Variants in WDR62 observed in about 807,000 individuals in gnomAD.
WDR62 encodes the protein WD repeat-containing protein 62.
WDR62 carries 112 observed loss-of-function variants against 160.6 expected under a neutral mutation model. The ratio of observed to expected loss-of-function variants is 0.70; its 90% CI spans 0.60 to 0.82. WDR62 has a LOEUF of 0.82. Ranked by LOEUF, WDR62 falls within the 40% of genes least tolerant of loss-of-function variation. The probability of loss-of-function intolerance (pLI) is 0.00; values close to 1 mark genes in which losing one functional copy is unlikely to be tolerated. For synonymous variants in WDR62, 792 were observed against 815.1 expected (o/e 0.97, Z 0.48); for missense variants, 1,819 against 1,983.8 (o/e 0.92, Z 1.58).
chr19:36,100,742 C>T lies in WDR62; in HGVS notation c.2740-6C>T, dbSNP rs1319515364. ...CCTCAGAATGGCTGTGCTGTCTTCC[C>T]CATAGTCAGAGAGTCCCCAGGAAGC... On this transcript the variant is annotated splice_region_variant and splice_polypyrimidine_tract_variant and intron_variant, in intron 22 of 31. Coordinates refer to ENST00000401500, the MANE Select transcript of WDR62 (RefSeq NM_001083961.2). 1.9e-6 allele frequency: 3 copies of T among 1,613,924 alleles called. No homozygotes were observed. The highest frequency in any genetic ancestry group is 2.5e-6 in the Non-Finnish European group (3 of 1,179,944).
rs1972584058 is a variant in WDR62 at position 36,091,214 on chromosome 19, C to T, written c.2049C>T (p.Pro683=). The change falls in exon 17 of 32, where the codon CCC becomes CCT. Residue 683 remains proline, a synonymous_variant. Coordinates refer to ENST00000401500, the MANE Select transcript of WDR62 (RefSeq NM_001083961.2). The part of the protein sequence containing the change: ...EGSLLKVHVD[P]SGTFLATSCS... ...TTTCCTGGCAGGTCCATGTGGACCC[C>T]TCAGGCACCTTCCTGGCCACCAGCT... 6.2e-7 allele frequency: 1 copy of T among 1,612,652 alleles called. No individual in the cohort carries two copies. Among genetic ancestry groups the T allele is most frequent in the South Asian group, 1.1e-5 (1 of 91,006 alleles).
At chr19:36,101,091 G>A in intron 23 of WDR62, 123 bp from the exon 24 acceptor site, 11 of 1,168,924 alleles carry the variant, frequency 9.4e-6, no homozygotes, top group Non-Finnish European at 1.0e-5. Flanking sequence ...GAGGAGGCGG[G>A]GAGGCTGTCG....
At chr19:36,084,789 G>GC (rs777146924) in intron 12 of WDR62, 45 bp downstream of exon 12, 8 of 1,576,410 alleles carry the variant, frequency 5.1e-6, no homozygotes, top group Non-Finnish European at 6.9e-6. Context: ...CAGGGAGGCA[G>GC]CCCCCCTGGC....
downstream of WDR62, among the ~76,000 whole-genome samples, chr19:36,105,977 G>A (rs554076769): frequency 3.9e-5 from 6 of 152,270 alleles, no homozygotes; most frequent in African/African-American, 1.4e-4. Context: ...GGGATTACAG[G>A]CATGAGCCAC....
chr19:36,068,003 A>G lies in WDR62; in HGVS notation c.875A>G (p.Asn292Ser). 3 of 1,613,524 alleles carry G rather than the reference A, an allele frequency of 1.9e-6. No homozygotes were observed. Among genetic ancestry groups the G allele is most frequent in the South Asian group, 1.1e-5 (1 of 90,918 alleles). ...NEKRVLEKWI[N>S]LKVSLSSCLC... Reference sequence around the variant, plus strand: ...AAGAGGGTGCTGGAGAAGTGGATCAACCTGAAGGTACCACCTCCCTCTCTG... The same window carrying G: ...AAGAGGGTGCTGGAGAAGTGGATCAGCCTGAAGGTACCACCTCCCTCTCTG... The change falls in exon 7 of 32, where the codon AAC (asparagine) becomes AGC (serine). Residue 292 changes from asparagine (N) to serine (S), a missense_variant. Transcript: ENST00000401500.
intron 12 of WDR62, among the ~76,000 whole-genome samples, chr19:36,085,414 C>CTTTTTTTTTTTTT (rs35753706): frequency 0.05 from 3,480 of 70,182 alleles, 734 homozygotes; most frequent in East Asian, 0.067. Flanking sequence ...CACACCTGAC[C>CTTTTTTTTTTTTT]TTTTTTTTTT....
intron 26 of WDR62, 34 bp downstream of exon 26, chr19:36,102,185 C>T (rs375919541): frequency 9.9e-6 from 16 of 1,613,726 alleles, no homozygotes; most frequent in Non-Finnish European, 1.2e-5. Flanking sequence ...CTGCCGAGGC[C>T]GTCTGTGCAG....
chr19:36,056,658 A>G (rs1002351184), intron 1 of WDR62, among the ~76,000 whole-genome samples: 1 of 152,204 alleles, frequency 6.6e-6, no homozygotes, highest in Non-Finnish European at 1.5e-5. Context: ...TTGAGCTATT[A>G]AACTACATAT....
chr19:36,102,697 CG>C (rs777249711), intron 26 of WDR62, 39 bp from the exon 27 acceptor site: 51 of 1,592,764 alleles, frequency 3.2e-5, no homozygotes, highest in Middle Eastern at 3.3e-4. Context: ...GGCTGCTCGG[CG>C]GGAAGGGTTA....
At chr19:36,110,864 T>C in the WDR62 span, among the ~76,000 whole-genome samples, 4 of 152,098 alleles carry the variant, frequency 2.6e-5, no homozygotes, top group Non-Finnish European at 4.4e-5. Context: ...CCTCAACCCC[T>C]GGGAGACAGT....
intron 9 of WDR62, among the ~76,000 whole-genome samples, chr19:36,077,502 G>A (rs1040981468): frequency 2.0e-5 from 3 of 151,956 alleles, no homozygotes; most frequent in East Asian, 3.9e-4. Context: ...GGATGGTCTC[G>A]ATCTCCTGAC....
intron 13 of WDR62, among the ~76,000 whole-genome samples, chr19:36,088,306 C>G (rs1009853739): frequency 6.6e-6 from 1 of 150,716 alleles, no homozygotes; most frequent in Non-Finnish European, 1.5e-5. Flanking sequence ...AACTCTGTCT[C>G]AAAAAAAAAG....
chr19:36,055,184 G>C (rs759961611), intron 1 of WDR62, 36 bp downstream of exon 1: 56 of 1,580,660 alleles, frequency 3.5e-5, no homozygotes, highest in East Asian at 1.2e-4. Context: ...CCCAGTTCCA[G>C]GCTTCCTAGG....
chr19:36,074,060 A>G (rs182469381), intron 9 of WDR62: 78 of 287,190 alleles, frequency 2.7e-4, no homozygotes, highest in Non-Finnish European at 3.4e-5. Context: ...ACACTTTGGG[A>G]ATCTGAGGCG....
Position 36,083,055 on chromosome 19 carries a change from T to C in WDR62, c.1372-8T>C. 2 of 1,609,722 alleles carry C rather than the reference T, an allele frequency of 1.2e-6. No homozygotes were observed. Among genetic ancestry groups the C allele is most frequent in the Non-Finnish European group, 1.7e-6 (2 of 1,177,794 alleles). On this transcript the variant is annotated splice_region_variant and splice_polypyrimidine_tract_variant and intron_variant, in intron 10 of 31. Coordinates refer to ENST00000401500, the MANE Select transcript of WDR62 (RefSeq NM_001083961.2). The stretch of plus-strand genomic sequence containing the variant: ...CTCGTGCTGACCTCAGCCCTGTCCT[T>C]CCTGCAGACCCTGCTGAAGGTCGTG...
At chr19:36,055,229 G>T in intron 1 of WDR62, 81 bp downstream of exon 1, 1 of 1,483,252 alleles carries the variant, frequency 6.7e-7, no homozygotes, top group South Asian at 1.2e-5. Context: ...CTGTGGCCCC[G>T]ACATCAGCCC....
the WDR62 span, among the ~76,000 whole-genome samples, chr19:36,110,761 G>A: frequency 6.6e-6 from 1 of 152,160 alleles, no homozygotes; most frequent in Non-Finnish European, 1.5e-5. Context: ...ACAGCAGGGG[G>A]CCCCTTCAGT....
intron 10 of WDR62, 151 bp downstream of exon 10, chr19:36,081,721 A>G (rs1208455435): frequency 1.1e-6 from 1 of 932,200 alleles, no homozygotes. Context: ...TCTCTGCATC[A>G]CTGCCTCTTG....
chr19:36,104,420 T>C, intron 30 of WDR62, 98 bp from the exon 31 acceptor site: 1 of 1,499,322 alleles, frequency 6.7e-7, no homozygotes, highest in Non-Finnish European at 9.1e-7. Context: ...AGAGAAGTGT[T>C]CCAGACAGAA....
Sources: allele counts gnomAD v4.1 joint callset (sites outside exome capture counted in the v4.1 genomes callset), GRCh38; gene constraint gnomAD v4.1.1; transcripts MANE v1.5; gene names NCBI Gene and HGNC (gene_info 2026-07-23, HGNC 2026-07-21).